Variants in CASS4 observed in about 807,000 individuals in gnomAD.
The protein encoded by CASS4 is Cas scaffold protein family member 4, also known as cas scaffolding protein family member 4.
Under a neutral mutation model 54.2 loss-of-function variants are expected in CASS4, and 22 were observed. That is an observed-to-expected ratio of 0.41 (90% confidence interval 0.29 to 0.58). CASS4 has a LOEUF of 0.58. CASS4 is among the 20% of genes least tolerant of loss of function. The probability of loss-of-function intolerance (pLI) is 0.36; values close to 1 mark genes in which losing one functional copy is unlikely to be tolerated. For synonymous variants in CASS4, 409 were observed against 391.5 expected, an observed-to-expected ratio of 1.04 and a Z score of -0.53; for missense variants, 854 against 986.7, an observed-to-expected ratio of 0.87 and a Z score of 1.80.
At chr20:56,429,804 A>G (rs1409254093) in intron 1 of CASS4, among the ~76,000 whole-genome samples, 2 of 152,048 alleles carry the variant, frequency 1.3e-5, no homozygotes, top group Non-Finnish European at 2.9e-5. Flanking sequence ...CTAAGCCCTC[A>G]CCCATCACTA....
chr20:56,449,496 G>C (rs908615123), intron 3 of CASS4, among the ~76,000 whole-genome samples: 1 of 152,078 alleles, frequency 6.6e-6, no homozygotes, highest in Non-Finnish European at 1.5e-5. Context: ...AGCATTAGGA[G>C]ATATACCTAA....
intron 1 of CASS4, among the ~76,000 whole-genome samples, chr20:56,423,531 A>C (rs1569137311): frequency 6.6e-6 from 1 of 152,116 alleles, no homozygotes; most frequent in Non-Finnish European, 1.5e-5. Context: ...AAGCTTAAAC[A>C]TTACTTTATT....
intron 2 of CASS4, among the ~76,000 whole-genome samples, chr20:56,438,852 C>T (rs1042667914): frequency 6.6e-6 from 1 of 152,164 alleles, no homozygotes; most frequent in African/African-American, 2.4e-5. Flanking sequence ...AGTGAAACTC[C>T]ATCTCAAAAA....
intron 1 of CASS4, among the ~76,000 whole-genome samples, chr20:56,428,419 C>T (rs1291304745): frequency 6.6e-6 from 1 of 152,164 alleles, no homozygotes; most frequent in Non-Finnish European, 1.5e-5. Flanking sequence ...GCAGGAACAC[C>T]CAGGCCCCCT....
chr20:56,412,435 G>C lies in CASS4; in HGVS notation c.-24G>C. On this transcript the variant is annotated 5_prime_UTR_variant, in exon 1 of 6. Coordinates refer to ENST00000679887, the MANE Select transcript of CASS4 (RefSeq NM_020356.4). This position sits in a 1 kb window ranked among gnomAD's most constrained non-coding sequence, Gnocchi z 4.2. ...CTGGAGATACTAGCTGCAGAGCTCA[G>C]GGGAGCTGCTCCACATCACCGACAT... 6.2e-7 allele frequency: 1 copy of C among 1,611,478 alleles called. No individual in the cohort carries two copies. Among genetic ancestry groups the C allele is most frequent in the Non-Finnish European group, 8.5e-7 (1 of 1,178,766 alleles).
chr20:56,446,043 GC>G, intron 3 of CASS4, 42 bp downstream of exon 3: 1 of 1,347,114 alleles, frequency 7.4e-7, no homozygotes, highest in Non-Finnish European at 1.1e-6. Flanking sequence ...AGACCTCTGC[GC>G]CCAGAGTCTG....
rs1981099954 is a variant in CASS4, at chr20:56,452,808, G to A, written c.1632G>A (p.Leu544=). ...GCTTGGATAATCGCAATTGGCCTCT[G>A]GAAGTTCTTGTGACTGACAGTGTCC... ...KESLDNRNWP[L]EVLVTDSVQN... The change falls in exon 5 of 6, where the codon CTG becomes CTA. Residue 544 remains leucine (L), a synonymous_variant. Transcript: ENST00000679887. The A allele has an allele frequency of 6.2e-7, 1 of 1,613,926 alleles. No homozygotes were observed. The highest frequency in any genetic ancestry group is 1.3e-5 in the African/African-American group (1 of 74,890).
intron 2 of CASS4, among the ~76,000 whole-genome samples, chr20:56,441,542 T>C (rs969259015): frequency 7.9e-5 from 12 of 151,868 alleles, no homozygotes; most frequent in African/African-American, 2.4e-4. Flanking sequence ...GAAGTGGAAG[T>C]TGCAGTGAGC....
At chr20:56,413,451 T>G (rs756980053) in intron 1 of CASS4, among the ~76,000 whole-genome samples, 1 of 151,834 alleles carries the variant, frequency 6.6e-6, no homozygotes, top group African/African-American at 2.4e-5. Flanking sequence ...GGCAGGTGGA[T>G]CACTTGAGGC....
chr20:56,439,615 G>A (rs1446912656), intron 2 of CASS4, among the ~76,000 whole-genome samples: 1 of 152,046 alleles, frequency 6.6e-6, no homozygotes, highest in Non-Finnish European at 1.5e-5. Context: ...GATTGAAGCT[G>A]CAGAGAGCTA....
intron 1 of CASS4, among the ~76,000 whole-genome samples, chr20:56,415,434 A>G (rs1278533488): frequency 6.6e-6 from 1 of 152,202 alleles, no homozygotes; most frequent in Non-Finnish European, 1.5e-5. Context: ...TACAGAAACT[A>G]TCAATGCATC....
chr20:56,429,742 C>T (rs1979816994), intron 1 of CASS4, among the ~76,000 whole-genome samples: 1 of 152,146 alleles, frequency 6.6e-6, no homozygotes, highest in Non-Finnish European at 1.5e-5. Flanking sequence ...TATCTAACTC[C>T]TCCTTACCCC....
At chr20:56,441,260 C>T (rs550273231) in intron 2 of CASS4, among the ~76,000 whole-genome samples, 2 of 151,526 alleles carry the variant, frequency 1.3e-5, no homozygotes, top group South Asian at 4.2e-4. Flanking sequence ...TCCCAAAGTG[C>T]TGGGATTACA....
chr20:56,458,908 G>C lies in CASS4; in HGVS notation c.*161G>C. 3.0e-6 allele frequency: 2 copies of C among 671,912 alleles called. No homozygotes were observed. Among genetic ancestry groups the C allele is most frequent in the African/African-American group, 1.8e-5 (1 of 55,384 alleles). 41.6% of individuals were successfully genotyped at this position (671,912 alleles called of 1,614,324 possible). A position where few individuals can be genotyped will look rare whatever the true frequency, so the allele number is the denominator to read the frequency against. ...GTACCAAGTGGCTAAGCAACCCCAG[G>C]GCATTGACTTACCCCGCAGGGGGTC... is the stretch of plus-strand genomic sequence containing the variant. On this transcript the variant is annotated 3_prime_UTR_variant, in exon 6 of 6. Transcript: ENST00000679887.
chr20:56,422,462 T>C (rs1428745157), intron 1 of CASS4, among the ~76,000 whole-genome samples: 1 of 152,206 alleles, frequency 6.6e-6, no homozygotes, highest in Non-Finnish European at 1.5e-5. Context: ...AAGCCTTAAG[T>C]GCAGCTTAGC....
At chr20:56,421,404 C>T (rs903601075) in intron 1 of CASS4, among the ~76,000 whole-genome samples, 95 of 152,224 alleles carry the variant, frequency 6.2e-4, no homozygotes, top group African/African-American at 2.1e-3. Context: ...CCTTTAGAAA[C>T]ACAGGCTGGG....
chr20:56,443,644 A>G (rs1219779648), intron 2 of CASS4, among the ~76,000 whole-genome samples: 1 of 152,036 alleles, frequency 6.6e-6, no homozygotes, highest in African/African-American at 2.4e-5. Context: ...AGGAAAAGGT[A>G]GCATCGTGAT....
chr20:56,423,178 C>T (rs1372363983), intron 1 of CASS4, among the ~76,000 whole-genome samples: 2 of 152,220 alleles, frequency 1.3e-5, no homozygotes, highest in East Asian at 3.8e-4. Context: ...CCTTCCCAAG[C>T]GACTTCTGCT....
In CASS4 at chr20:56,420,485, C is replaced by T. The variant is rs144383380; in HGVS notation, c.36+7991C>T. Among the ~76,000 whole-genome samples, 864 of 152,102 alleles carry T rather than the reference C, an allele frequency of 5.7e-3. 10 individuals carry two copies. The highest frequency in any genetic ancestry group is 0.02 in the African/African-American group (826 of 41,478). ...TTCACTACAACCTCAAACTCCTGGG[C>T]TCAAGCAATCCTCCTGCCTCAGCCT... On this transcript the variant is annotated intron_variant, in intron 1 of 5. Coordinates refer to ENST00000679887, the MANE Select transcript of CASS4 (RefSeq NM_020356.4).
Sources: allele counts gnomAD v4.1 joint callset (sites outside exome capture counted in the v4.1 genomes callset), GRCh38; gene constraint gnomAD v4.1.1; non-coding constraint Gnocchi (gnomAD v3.1); transcripts MANE v1.5; gene names NCBI Gene and HGNC (gene_info 2026-07-23, HGNC 2026-07-21).